Variants in RAP1GDS1 observed in about 807,000 individuals in gnomAD.
RAP1GDS1 encodes the protein RAP1, GTP-GDP dissociation stimulator 1.
In RAP1GDS1, 35 loss-of-function variants were observed where a neutral mutation model predicts 71.1. The observed-to-expected ratio is 0.49, with a 90% CI of 0.38 to 0.65. The LOEUF is 0.65. Ranked by LOEUF, RAP1GDS1 falls within the 30% of genes least tolerant of loss-of-function variation. The probability of loss-of-function intolerance (pLI) is 0.00; values close to 1 mark genes in which losing one functional copy is unlikely to be tolerated. For synonymous variants in RAP1GDS1, 229 were observed against 243.1 expected, an observed-to-expected ratio of 0.94 and a Z score of 0.54; for missense variants, 663 against 706.1, an observed-to-expected ratio of 0.94 and a Z score of 0.69.
At chr4:98,328,326 C>A (rs1449032061) in intron 2 of RAP1GDS1, among the ~76,000 whole-genome samples, 1 of 152,164 alleles carries the variant, frequency 6.6e-6, no homozygotes, top group East Asian at 1.9e-4. Context: ...AAAAAAGTAG[C>A]ATTGAGGTGC....
Position 98,443,021 on chromosome 4 carries a change from T to TTTTCTTTTTTTTTTC in RAP1GDS1, c.*907_*908insCTTTTTTTTTTCTTT, listed in dbSNP as rs1325300730. 4.8e-6 allele frequency: 1 copy of TTTTCTTTTTTTTTTC among 210,076 alleles called. No individual in the cohort carries two copies. Among genetic ancestry groups the TTTTCTTTTTTTTTTC allele is most frequent in the African/African-American group, 2.5e-5 (1 of 39,450 alleles). The allele number at this position is 210,076 out of a possible 1,614,324, so 13.0% of individuals were successfully genotyped here. A position where few individuals can be genotyped will look rare whatever the true frequency, so the allele number is the denominator to read the frequency against. On this transcript the variant is annotated 3_prime_UTR_variant, in exon 15 of 15. Transcript: ENST00000408927. ...TAGTTCATTGAAGAATGGAATTTTT[T>TTTTCTTTTTTTTTTC]TTTTTTTTTTTTTTTTTGCTGTTTT...
At chr4:98,295,935 T>G (rs1228577944) in intron 2 of RAP1GDS1, among the ~76,000 whole-genome samples, 1 of 152,064 alleles carries the variant, frequency 6.6e-6, no homozygotes, top group Non-Finnish European at 1.5e-5. Flanking sequence ...CTACAGTTCT[T>G]CCTTGAATAA....
intron 1 of RAP1GDS1, among the ~76,000 whole-genome samples, chr4:98,263,186 T>A (rs1330709371): frequency 6.6e-6 from 1 of 151,978 alleles, no homozygotes; most frequent in East Asian, 1.9e-4. Flanking sequence ...CACAGATAAG[T>A]GTGTGTATGT....
chr4:98,353,528 A>T (rs886325614), intron 4 of RAP1GDS1, among the ~76,000 whole-genome samples: 14 of 152,322 alleles, frequency 9.2e-5, no homozygotes, highest in Admixed American at 9.1e-4. Context: ...TTTATGATAA[A>T]GAAGTAGGAA....
At chr4:98,289,989 GA>G (rs1252515694) in intron 1 of RAP1GDS1, among the ~76,000 whole-genome samples, 1 of 151,752 alleles carries the variant, frequency 6.6e-6, no homozygotes, top group African/African-American at 2.4e-5. Flanking sequence ...AATAGATACA[GA>G]AAAAAATTGA....
chr4:98,263,221 A>G (rs1213805276), intron 1 of RAP1GDS1, among the ~76,000 whole-genome samples: 1 of 152,190 alleles, frequency 6.6e-6, no homozygotes, highest in East Asian at 1.9e-4. Flanking sequence ...CAGTATGTCC[A>G]ATAACCCTAT....
intron 7 of RAP1GDS1, among the ~76,000 whole-genome samples, chr4:98,413,176 A>G (rs1225842639): frequency 6.6e-6 from 1 of 151,948 alleles, no homozygotes; most frequent in Non-Finnish European, 1.5e-5. Flanking sequence ...GCGGCCATTT[A>G]TAGACCTCCC....
intron 10 of RAP1GDS1, 88 bp from the exon 11 acceptor site, chr4:98,419,931 A>G (rs966469041): frequency 3.3e-6 from 4 of 1,226,054 alleles, no homozygotes; most frequent in Non-Finnish European, 4.3e-6. Flanking sequence ...CATGGATCTT[A>G]AAGATACTTA....
intron 2 of RAP1GDS1, among the ~76,000 whole-genome samples, chr4:98,323,136 A>G (rs1486003440): frequency 6.7e-6 from 1 of 149,450 alleles, no homozygotes; most frequent in Non-Finnish European, 1.5e-5. Flanking sequence ...AGAGAATACT[A>G]CAAACACCTC....
intron 2 of RAP1GDS1, among the ~76,000 whole-genome samples, chr4:98,320,185 A>G (rs1731593440): frequency 6.6e-6 from 1 of 152,178 alleles, no homozygotes; most frequent in Non-Finnish European, 1.5e-5. Flanking sequence ...CTATTAGTTA[A>G]GTTTTGGGGG....
intron 3 of RAP1GDS1, among the ~76,000 whole-genome samples, chr4:98,344,560 A>T (rs960305883): frequency 4.6e-5 from 7 of 152,170 alleles, no homozygotes; most frequent in Non-Finnish European, 8.8e-5. Context: ...AATATTCCTC[A>T]TAATGCTCTG....
chr4:98,363,986 G>A (rs772584027), intron 4 of RAP1GDS1, among the ~76,000 whole-genome samples: 3 of 152,080 alleles, frequency 2.0e-5, no homozygotes, highest in African/African-American at 7.2e-5. Flanking sequence ...GCAATTTGCC[G>A]ATGTAGGAAA....
At chr4:98,438,950 C>T (rs984513552) in intron 14 of RAP1GDS1, among the ~76,000 whole-genome samples, 24 of 152,096 alleles carry the variant, frequency 1.6e-4, no homozygotes, top group African/African-American at 5.3e-4. Flanking sequence ...TTTAGAATCA[C>T]GTTAGACAGT....
intron 3 of RAP1GDS1, among the ~76,000 whole-genome samples, chr4:98,349,380 T>A (rs928959054): frequency 9.2e-5 from 14 of 152,208 alleles, no homozygotes; most frequent in Admixed American, 5.9e-4. Flanking sequence ...CCTTGTAGTA[T>A]AGTTTGAAGT....
intron 2 of RAP1GDS1, among the ~76,000 whole-genome samples, chr4:98,325,783 G>C (rs1235818966): frequency 9.5e-6 from 1 of 105,416 alleles, no homozygotes; most frequent in Admixed American, 1.2e-4. Context: ...GGGGTGGGGG[G>C]AGGGGGGAGG....
chr4:98,320,676 G>A (rs1284178222), intron 2 of RAP1GDS1, among the ~76,000 whole-genome samples: 3 of 151,126 alleles, frequency 2.0e-5, no homozygotes, highest in Middle Eastern at 3.2e-3. Flanking sequence ...CACCTCACAC[G>A]GCAGGGTATT....
intron 2 of RAP1GDS1, among the ~76,000 whole-genome samples, chr4:98,295,697 T>C (rs1205987554): frequency 6.6e-6 from 1 of 152,122 alleles, no homozygotes; most frequent in Non-Finnish European, 1.5e-5. Context: ...GCTGAGTTCA[T>C]GTAATGTGAA....
chr4:98,264,403 A>AT (rs1553955656), intron 1 of RAP1GDS1, among the ~76,000 whole-genome samples: 13 of 151,686 alleles, frequency 8.6e-5, no homozygotes, highest in East Asian at 3.9e-4. Context: ...TCTCAAAAAA[A>AT]ATATATATAT....
At position 98,442,382 on chromosome 4, in the gene RAP1GDS1, G is replaced by T. The variant is rs957173944; in HGVS notation, c.*265G>T. ...GAGCTACATTAAGTAGAATGTGCAT[G>T]TTGTAGTCCTATGATGATGTAAACT... On this transcript the variant is annotated 3_prime_UTR_variant, in exon 15 of 15. Coordinates refer to ENST00000408927, the MANE Select transcript of RAP1GDS1 (RefSeq NM_001100427.2). 8 of 353,998 alleles carry T rather than the reference G, an allele frequency of 2.3e-5. No individual in the cohort carries two copies. Among genetic ancestry groups the T allele is most frequent in the Middle Eastern group, 7.7e-4 (1 of 1,300 alleles). The allele number at this position is 353,998 out of a possible 1,614,324, so 21.9% of individuals were successfully genotyped here.
Sources: allele counts gnomAD v4.1 joint callset (sites outside exome capture counted in the v4.1 genomes callset), GRCh38; gene constraint gnomAD v4.1.1; transcripts MANE v1.5; gene names NCBI Gene and HGNC (gene_info 2026-07-23, HGNC 2026-07-21).